Variants in SLC35F4 observed in about 807,000 individuals in gnomAD.
SLC35F4 encodes solute carrier family 35 member F4.
In SLC35F4, 24 loss-of-function variants were observed where a neutral mutation model predicts 44.2. That is an observed-to-expected ratio of 0.54 (90% CI 0.39 to 0.76). The LOEUF is 0.76. Among genes scored for constraint, SLC35F4 ranks in the 30% least tolerant of loss-of-function variants. SLC35F4 has a pLI of 0.00. For missense variants in SLC35F4, 562 were observed against 586.1 expected (o/e 0.96, Z 0.42); for synonymous variants, 238 against 223.6 (o/e 1.06, Z -0.57).
At chr14:57,955,315 G>A (rs1173923168) in intron 1 of SLC35F4, among the ~76,000 whole-genome samples, 1 of 152,120 alleles carries the variant, frequency 6.6e-6, no homozygotes, top group African/African-American at 2.4e-5. Context: ...AGCTATTTAT[G>A]ACAAACCCAC....
At chr14:57,633,819 T>A (rs1041768532) in intron 1 of SLC35F4, among the ~76,000 whole-genome samples, 11 of 152,164 alleles carry the variant, frequency 7.2e-5, no homozygotes, top group Admixed American at 2.0e-4. Flanking sequence ...CTCAGCATAA[T>A]GCCCTCAGAT....
intron 1 of SLC35F4, among the ~76,000 whole-genome samples, chr14:57,685,822 T>C (rs2075050222): frequency 6.6e-6 from 1 of 152,218 alleles, no homozygotes; most frequent in African/African-American, 2.4e-5. Flanking sequence ...ATTTTACTTA[T>C]GAGCAGTCGA....
intron 1 of SLC35F4, among the ~76,000 whole-genome samples, chr14:57,875,081 T>A (rs993432443): frequency 1.3e-5 from 2 of 152,184 alleles, no homozygotes; most frequent in African/African-American, 4.8e-5. Context: ...ATTGTCAACA[T>A]TCACTGCCAT....
At chr14:57,895,604 G>C (rs200680519) in intron 1 of SLC35F4, among the ~76,000 whole-genome samples, 16 of 140,390 alleles carry the variant, frequency 1.1e-4, no homozygotes, top group South Asian at 7.1e-4. Context: ...CTCTCTCTCT[G>C]TCTCTCTCTG....
chr14:57,683,640 CA>C (rs1271772967), intron 1 of SLC35F4, among the ~76,000 whole-genome samples: 1 of 152,222 alleles, frequency 6.6e-6, no homozygotes, highest in Non-Finnish European at 1.5e-5. Context: ...GTACTGCTTT[CA>C]AGTGCCCTTT....
intron 1 of SLC35F4, among the ~76,000 whole-genome samples, chr14:57,808,320 C>T (rs1253989332): frequency 1.3e-5 from 2 of 151,894 alleles, no homozygotes; most frequent in African/African-American, 4.9e-5. Flanking sequence ...CCTGTGCTGG[C>T]TCCATGGTCA....
rs537132329 is a variant in SLC35F4, at chr14:57,780,190, G to C, written c.103+85533C>G. The stretch of plus-strand genomic sequence containing the variant: ...GATTCTATATCTAGAAAACCCCATA[G>C]TCTTGGCCCAAAAGCTCCTTCAGCT... On this transcript the variant is annotated intron_variant, in intron 1 of 7. Coordinates refer to ENST00000556826, the MANE Select transcript of SLC35F4 (RefSeq NM_001306087.2). Among the ~76,000 whole-genome samples the C allele has an allele frequency of 5.9e-5, 9 of 152,212 alleles. No individual in the cohort carries two copies. The South Asian group carries it at 1.9e-3, about 32-fold the overall frequency.
chr14:57,579,658 G>C (rs2069099084), intron 4 of SLC35F4: 1 of 152,160 alleles, frequency 6.6e-6, no homozygotes, highest in Non-Finnish European at 1.5e-5. Flanking sequence ...ACAGTGAAAA[G>C]AAAGATCTCA....
intron 1 of SLC35F4, among the ~76,000 whole-genome samples, chr14:57,739,803 A>T (rs1263102986): frequency 6.6e-6 from 1 of 152,168 alleles, no homozygotes; most frequent in Non-Finnish European, 1.5e-5. Context: ...GTGAGGAGAA[A>T]ATGTAATTGA....
intron 1 of SLC35F4, chr14:57,630,161 G>T (rs963406224): frequency 7.2e-6 from 4 of 558,224 alleles, no homozygotes; most frequent in African/African-American, 5.7e-5. Flanking sequence ...AGTTTGCCTA[G>T]GGGGATCAGA....
At chr14:57,742,124 A>T (rs938401113) in intron 1 of SLC35F4, among the ~76,000 whole-genome samples, 4 of 152,236 alleles carry the variant, frequency 2.6e-5, no homozygotes, top group African/African-American at 7.2e-5. Context: ...AAAACATGCC[A>T]AATTGTAAAG....
intron 1 of SLC35F4, among the ~76,000 whole-genome samples, chr14:57,695,387 A>C (rs2075352976): frequency 6.6e-6 from 1 of 151,660 alleles, no homozygotes; most frequent in Non-Finnish European, 1.5e-5. Context: ...TCTCAAAAGA[A>C]GACATTTATG....
chr14:57,696,255 A>G (rs115196378), intron 1 of SLC35F4, among the ~76,000 whole-genome samples: 20,436 of 152,032 alleles, frequency 0.13, 1,640 homozygotes, highest in African/African-American at 0.22. Flanking sequence ...AACTCATCAA[A>G]CAGTTTGAGA....
At chr14:57,664,411 ATTTAAT>A (rs2074239578) in intron 1 of SLC35F4, among the ~76,000 whole-genome samples, 1 of 151,990 alleles carries the variant, frequency 6.6e-6, no homozygotes. Flanking sequence ...TTATTTATTT[ATTTAAT>A]TTTATTTTTG....
chr14:57,650,317 C>G (rs1421934301), intron 1 of SLC35F4, among the ~76,000 whole-genome samples: 1 of 151,962 alleles, frequency 6.6e-6, no homozygotes, highest in Non-Finnish European at 1.5e-5. Context: ...TAATATTATC[C>G]CAAACTTAAA....
chr14:57,796,852 T>A (rs1364591407), intron 1 of SLC35F4, among the ~76,000 whole-genome samples: 1 of 152,144 alleles, frequency 6.6e-6, no homozygotes, highest in African/African-American at 2.4e-5. Context: ...TATTATCCAG[T>A]GTTAATGAAG....
intron 1 of SLC35F4, among the ~76,000 whole-genome samples, chr14:57,663,710 A>G (rs1402007282): frequency 6.6e-6 from 1 of 152,168 alleles, no homozygotes; most frequent in Non-Finnish European, 1.5e-5. Flanking sequence ...AACTAAAATC[A>G]GAACTTCACA....
chr14:57,804,527 C>A (rs1230449647), intron 1 of SLC35F4, among the ~76,000 whole-genome samples: 1 of 152,114 alleles, frequency 6.6e-6, no homozygotes, highest in Admixed American at 6.5e-5. Flanking sequence ...GGAAAGGACT[C>A]CCTATTTAAT....
intron 1 of SLC35F4, among the ~76,000 whole-genome samples, chr14:57,760,884 A>G (rs1433193136): frequency 2.0e-5 from 3 of 152,164 alleles, no homozygotes; most frequent in Non-Finnish European, 4.4e-5. Context: ...ATAATCATCA[A>G]TACTTTTTGA....
Sources: allele counts gnomAD v4.1 joint callset (sites outside exome capture counted in the v4.1 genomes callset), GRCh38; gene constraint gnomAD v4.1.1; transcripts MANE v1.5; gene names NCBI Gene and HGNC (gene_info 2026-07-23, HGNC 2026-07-21).